YJU2B: variants seen among roughly 807,000 people sequenced by gnomAD.
The protein encoded by YJU2B is YJU2 splicing factor homolog B.
YJU2B carries 18 observed loss-of-function variants against 38.0 expected under a neutral mutation model. The ratio of observed to expected loss-of-function variants is 0.47; its 90% CI spans 0.33 to 0.70. The LOEUF (loss-of-function observed/expected upper bound fraction) is 0.70, where lower values mean the gene tolerates loss of function less well. YJU2B is among the 30% of genes least tolerant of loss of function. The probability of loss-of-function intolerance (pLI) is 0.02; values close to 1 mark genes in which losing one functional copy is unlikely to be tolerated. For missense variants in YJU2B, 538 were observed against 556.3 expected, an observed-to-expected ratio of 0.97 and a Z score of 0.33; for synonymous variants, 246 against 225.4, an observed-to-expected ratio of 1.09 and a Z score of -0.82.
chr19:13,743,580 G>GAAAA (rs35952396), upstream of YJU2B, among the ~76,000 whole-genome samples: 1 of 137,532 alleles, frequency 7.3e-6, no homozygotes, highest in Non-Finnish European at 1.6e-5. Flanking sequence ...TCAGTCTCAG[G>GAAAA]AAAAAAAAAA....
intron 2 of YJU2B, among the ~76,000 whole-genome samples, chr19:13,754,016 C>T (rs924436843): frequency 6.6e-6 from 1 of 151,356 alleles, no homozygotes; most frequent in Non-Finnish European, 1.5e-5. Context: ...ACTAAAAATA[C>T]AAAAAATTAG....
intron 8 of YJU2B, chr19:13,759,606 A>C: frequency 5.4e-6 from 1 of 186,858 alleles, no homozygotes. Flanking sequence ...GCATCTCTAA[A>C]TAAATAAATA....
upstream of YJU2B, among the ~76,000 whole-genome samples, chr19:13,746,978 T>C (rs543853040): frequency 1.4e-4 from 22 of 151,810 alleles, no homozygotes; most frequent in South Asian, 4.2e-4. Flanking sequence ...ACACAAGTTA[T>C]GGGAGGGTAA....
chr19:13,750,291 C>T (rs955216528), intron 1 of YJU2B, among the ~76,000 whole-genome samples: 9 of 151,528 alleles, frequency 5.9e-5, no homozygotes, highest in Non-Finnish European at 8.8e-5. Context: ...GCAGTGGCGC[C>T]ATCTTGGCTT....
intron 2 of YJU2B, among the ~76,000 whole-genome samples, chr19:13,737,194 T>C (rs1246117988): frequency 6.6e-6 from 1 of 151,936 alleles, no homozygotes; most frequent in Non-Finnish European, 1.5e-5. Context: ...CCCAGCCTAG[T>C]TTTTAAACTT....
At chr19:13,743,312 G>T (rs943416302), upstream of YJU2B, among the ~76,000 whole-genome samples, 1 of 152,242 alleles carries the variant, frequency 6.6e-6, no homozygotes, top group African/African-American at 2.4e-5. Context: ...GGGCACGGTG[G>T]CTCACGCCTG....
intron 1 of YJU2B, among the ~76,000 whole-genome samples, chr19:13,748,383 TAGAG>T (rs571521739): frequency 2.4e-3 from 358 of 151,950 alleles, no homozygotes; most frequent in Non-Finnish European, 4.3e-3. Context: ...AAATGAGGCT[TAGAG>T]AGAGAAAACA....
chr19:13,761,817 C>T lies in YJU2B; in HGVS notation c.574-482C>T, dbSNP rs922238286. ...CAGCCCACCGCAACCTCCACCTCCC[C>T]GGTTGAAGTGATTTTCATGCCTCAG... On this transcript the variant is annotated intron_variant, in intron 8 of 9. Transcript: ENST00000221554. Among the ~76,000 whole-genome samples, 75 of 151,788 alleles carry T rather than the reference C, an allele frequency of 4.9e-4. 1 individual carries two copies. Among genetic ancestry groups the T allele is most frequent in the Non-Finnish European group, 9.7e-4 (66 of 67,948 alleles).
intron 2 of YJU2B, among the ~76,000 whole-genome samples, chr19:13,741,596 T>C (rs1286683438): frequency 6.8e-6 from 1 of 147,080 alleles, no homozygotes; most frequent in Non-Finnish European, 1.5e-5. Context: ...AAAAAAAAAT[T>C]AGCTAGGCAT....
intron 2 of YJU2B, among the ~76,000 whole-genome samples, chr19:13,738,039 A>T (rs1194945161): frequency 6.6e-6 from 1 of 152,126 alleles, no homozygotes; most frequent in African/African-American, 2.4e-5. Flanking sequence ...CCCAGTAGCC[A>T]TTGGGTTCTA....
At chr19:13,746,518 G>A (rs1015590333), upstream of YJU2B, among the ~76,000 whole-genome samples, 1 of 152,162 alleles carries the variant, frequency 6.6e-6, no homozygotes, top group Non-Finnish European at 1.5e-5. Context: ...CTTTGGCTGG[G>A]CTACGAATTA....
At chr19:13,745,516 G>T (rs1043007842), upstream of YJU2B, among the ~76,000 whole-genome samples, 11 of 151,972 alleles carry the variant, frequency 7.2e-5, no homozygotes, top group Middle Eastern at 6.8e-3. Flanking sequence ...TACTAGCTGG[G>T]TGTGGTGGCG....
In YJU2B at chr19:13,756,063, C is replaced by T. The variant is rs534090586; in HGVS notation, c.58-134C>T. 1.7e-5 allele frequency: 12 copies of T among 703,108 alleles called. No homozygotes were observed. In the African/African-American group the frequency reaches 2.1e-4, roughly 12 times the overall value. The allele number at this position is 703,108 out of a possible 1,614,324, so 43.6% of individuals were successfully genotyped here. On this transcript the variant is annotated intron_variant, in intron 3 of 9. Coordinates refer to ENST00000221554, the MANE Select transcript of YJU2B (RefSeq NM_030818.4). ...TGGATGCCCCCTATTGCTATGAACA[C>T]CCGTCCTGCAGGACATAAGAATCAA...
At chr19:13,752,988 G>T (rs1447819349) in intron 2 of YJU2B, among the ~76,000 whole-genome samples, 1 of 152,124 alleles carries the variant, frequency 6.6e-6, no homozygotes, top group African/African-American at 2.4e-5. Flanking sequence ...GTGTTCAACG[G>T]TACTACATGT....
chr19:13,743,755 C>T (rs1211317169), upstream of YJU2B, among the ~76,000 whole-genome samples: 149 of 131,806 alleles, frequency 1.1e-3, no homozygotes, highest in Middle Eastern at 5.4e-3. Flanking sequence ...TAGCCGGATG[C>T]GGTGGCACAT....
At chr19:13,749,003 C>A (rs934335982) in intron 1 of YJU2B, among the ~76,000 whole-genome samples, 2 of 152,168 alleles carry the variant, frequency 1.3e-5, no homozygotes, top group Admixed American at 1.3e-4. Context: ...CCATCAGCTT[C>A]TTTCTTTCTT....
At chr19:13,760,740 T>C (rs375486) in intron 8 of YJU2B, among the ~76,000 whole-genome samples, 70,230 of 151,618 alleles carry the variant, frequency 0.46, 16,409 homozygotes, top group East Asian at 0.61. Flanking sequence ...CCCACAGGCA[T>C]GAGCCATCAC....
Position 13,751,714 on chromosome 19 carries a change from C to T in YJU2B, c.-95C>T, listed in dbSNP as rs1599517157. ...GCAGGGAAGCCTGTGGACCCTCTGCCAGGCTCCACAAGAGGTCAGGACAGT... is the reference window on the plus strand; with the variant it reads ...GCAGGGAAGCCTGTGGACCCTCTGCTAGGCTCCACAAGAGGTCAGGACAGT... On this transcript the variant is annotated 5_prime_UTR_variant, in exon 2 of 10. Transcript: ENST00000221554. 7.4e-7 allele frequency: 1 copy of T among 1,350,858 alleles called. No individual in the cohort carries two copies. The highest frequency in any genetic ancestry group is 1.1e-6 in the Non-Finnish European group (1 of 943,690). 83.7% of individuals were successfully genotyped at this position (1,350,858 alleles called of 1,614,324 possible). A position where few individuals can be genotyped will look rare whatever the true frequency, so the allele number is the denominator to read the frequency against.
chr19:13,763,091 G>A lies in YJU2B; in HGVS notation c.*23G>A. On this transcript the variant is annotated 3_prime_UTR_variant, in exon 10 of 10. Transcript: ENST00000221554. ...TGAGCGATCCCCATCCTGGAGACTGGACCCGCTCTAGAGGCCCGGACACAC... is the reference window on the plus strand; with the variant it reads ...TGAGCGATCCCCATCCTGGAGACTGAACCCGCTCTAGAGGCCCGGACACAC... The A allele has an allele frequency of 6.6e-7, 1 of 1,523,946 alleles. No individual in the cohort carries two copies. The highest frequency in any genetic ancestry group is 1.4e-5 in the African/African-American group (1 of 72,360). The allele number at this position is 1,523,946 out of a possible 1,614,324, so 94.4% of individuals were successfully genotyped here.
Sources: gnomAD v4.1 joint callset for allele counts (sites outside exome capture counted in the v4.1 genomes callset) on GRCh38, gnomAD v4.1.1 for gene constraint, MANE v1.5 for transcripts, NCBI Gene and HGNC (gene_info 2026-07-23, HGNC 2026-07-21) for gene names.